Variants in PCDH9 observed in about 807,000 individuals in gnomAD.
PCDH9 encodes the protein protocadherin 9.
Under a neutral mutation model 70.6 loss-of-function variants are expected in PCDH9, and 24 were observed. The observed-to-expected ratio is 0.34, with a 90% CI of 0.25 to 0.48. The LOEUF is 0.48. PCDH9 is among the 20% of genes least tolerant of loss of function. The pLI is 0.99. For synonymous variants in PCDH9, 562 were observed against 558.5 expected, an observed-to-expected ratio of 1.01 and a Z score of -0.09; for missense variants, 1,281 against 1,503.6, an observed-to-expected ratio of 0.85 and a Z score of 2.45.
intron 2 of PCDH9, among the ~76,000 whole-genome samples, chr13:67,009,370 G>T (rs2084411638): frequency 6.6e-6 from 1 of 152,092 alleles, no homozygotes; most frequent in African/African-American, 2.4e-5. Flanking sequence ...TTGCTAGATA[G>T]AGGTGGGTTT....
intron 3 of PCDH9, among the ~76,000 whole-genome samples, chr13:66,855,286 A>G (rs1460924606): frequency 1.3e-5 from 2 of 152,110 alleles, no homozygotes; most frequent in East Asian, 1.9e-4. Context: ...CTACAAAATG[A>G]TAACATAAGA....
chr13:66,587,099 G>A lies in PCDH9; in HGVS notation c.3340+44111C>T, dbSNP rs894890728. Among the ~76,000 whole-genome samples, 22 of 151,998 alleles carry A rather than the reference G, an allele frequency of 1.4e-4. 1 individual carries two copies. The South Asian group carries it at 2.1e-3, about 14-fold the overall frequency. On this transcript the variant is annotated intron_variant, in intron 4 of 4. Coordinates refer to ENST00000377865, the MANE Select transcript of PCDH9 (RefSeq NM_203487.3). ...TCACTTGAGCCCATGAGTTCCAGAC[G>A]AGCCTGGGCAACATAGTGAGACCTT...
intron 3 of PCDH9, among the ~76,000 whole-genome samples, chr13:66,658,636 T>C (rs1015182065): frequency 6.6e-6 from 1 of 152,208 alleles, no homozygotes; most frequent in Non-Finnish European, 1.5e-5. Context: ...TTCTTAAACA[T>C]GTATCTATAC....
chr13:66,850,432 A>C (rs1036625614), intron 3 of PCDH9, among the ~76,000 whole-genome samples: 1 of 151,764 alleles, frequency 6.6e-6, no homozygotes, highest in Admixed American at 6.6e-5. Context: ...GGCAGGAGGA[A>C]CCTAGGAGGC....
chr13:66,431,078 A>T (rs970332139), intron 4 of PCDH9, among the ~76,000 whole-genome samples: 1 of 152,052 alleles, frequency 6.6e-6, no homozygotes, highest in Admixed American at 6.6e-5. Flanking sequence ...ATGAAATTTG[A>T]CTATAGCCAT....
At chr13:67,003,547 C>T (rs1440726776) in intron 2 of PCDH9, among the ~76,000 whole-genome samples, 1 of 152,120 alleles carries the variant, frequency 6.6e-6, no homozygotes, top group Non-Finnish European at 1.5e-5. Context: ...TATTAATCAA[C>T]CCTTGATGGA....
intron 2 of PCDH9, among the ~76,000 whole-genome samples, chr13:66,911,886 C>T (rs895090882): frequency 2.0e-5 from 3 of 152,110 alleles, no homozygotes; most frequent in East Asian, 1.9e-4. Context: ...CAAACGTATT[C>T]GAAGGAATAC....
intron 2 of PCDH9, among the ~76,000 whole-genome samples, chr13:67,109,259 T>C (rs1472679863): frequency 6.6e-6 from 1 of 152,146 alleles, no homozygotes; most frequent in Non-Finnish European, 1.5e-5. Context: ...CCTCAAACTC[T>C]CCCCACTTTA....
At chr13:66,760,829 C>T (rs543868853) in intron 3 of PCDH9, among the ~76,000 whole-genome samples, 23 of 152,226 alleles carry the variant, frequency 1.5e-4, no homozygotes, top group Non-Finnish European at 2.8e-4. Context: ...TCGAAAATGG[C>T]TGCTCTGGGA....
intron 4 of PCDH9, among the ~76,000 whole-genome samples, chr13:66,519,407 T>C (rs143808068): frequency 0.017 from 2,652 of 152,250 alleles, 38 homozygotes; most frequent in Non-Finnish European, 0.027. Context: ...AGCTTTATGA[T>C]GATCAAACTG....
Position 66,553,534 on chromosome 13 carries a change from C to T in PCDH9, c.3340+77676G>A, listed in dbSNP as rs144714852. ...CAAATGCCCAAAAACAGAGCAAATA[C>T]TCCACTAGAAATTGGAGAGTTGGTT... is the stretch of plus-strand genomic sequence containing the variant. On this transcript the variant is annotated intron_variant, in intron 4 of 4. Coordinates refer to ENST00000377865, the MANE Select transcript of PCDH9 (RefSeq NM_203487.3). 5.0e-3 allele frequency among the ~76,000 whole-genome samples: 768 copies of T among 152,246 alleles called. 5 individuals are homozygous for T. The highest frequency in any genetic ancestry group is 7.6e-3 in the Non-Finnish European group (515 of 68,020).
At chr13:66,719,852 AG>A (rs1331538965) in intron 3 of PCDH9, among the ~76,000 whole-genome samples, 2 of 152,230 alleles carry the variant, frequency 1.3e-5, no homozygotes, top group Admixed American at 6.5e-5. Flanking sequence ...AAGTATCCAT[AG>A]TGAAGTTGTT....
chr13:66,872,512 G>A (rs904825859), intron 3 of PCDH9, among the ~76,000 whole-genome samples: 2 of 152,030 alleles, frequency 1.3e-5, no homozygotes, highest in African/African-American at 4.8e-5. Flanking sequence ...CTAGGAAAAG[G>A]AGCATAGTAA....
intron 3 of PCDH9, among the ~76,000 whole-genome samples, chr13:66,867,651 G>A (rs978618690): frequency 6.6e-6 from 1 of 151,988 alleles, no homozygotes; most frequent in Admixed American, 6.5e-5. Context: ...ATTATCAAGG[G>A]ATGTATATTA....
At chr13:66,908,673 C>A (rs977879264) in intron 2 of PCDH9, among the ~76,000 whole-genome samples, 1 of 152,058 alleles carries the variant, frequency 6.6e-6, no homozygotes, top group Admixed American at 6.5e-5. Context: ...CATTTAGTAT[C>A]CTGAAATTTA....
Position 66,560,611 on chromosome 13 carries a change from A to C in PCDH9, c.3340+70599T>G, listed in dbSNP as rs571190608. Among the ~76,000 whole-genome samples the C allele has an allele frequency of 2.4e-3, 362 of 152,330 alleles. 2 individuals are homozygous for C. Among genetic ancestry groups the C allele is most frequent in the African/African-American group, 8.3e-3 (347 of 41,570 alleles). The stretch of plus-strand genomic sequence containing the variant: ...TCCAGTGAATGATGAAATACTTAGC[A>C]CTTGTTGTCATAGTAGGTAATTTTG... On this transcript the variant is annotated intron_variant, in intron 4 of 4. Coordinates refer to ENST00000377865, the MANE Select transcript of PCDH9 (RefSeq NM_203487.3).
intron 2 of PCDH9, chr13:67,223,489 A>T (rs2089778822): frequency 6.6e-6 from 1 of 152,170 alleles, no homozygotes. Context: ...TATGCATATC[A>T]TAAAATACCA....
intron 4 of PCDH9, among the ~76,000 whole-genome samples, chr13:66,624,430 C>T (rs1041462105): frequency 6.6e-6 from 1 of 152,170 alleles, no homozygotes; most frequent in African/African-American, 2.4e-5. Flanking sequence ...ACATTGTGTG[C>T]TTCATTTGTA....
intron 3 of PCDH9, among the ~76,000 whole-genome samples, chr13:66,729,371 G>T (rs561631570): frequency 1.3e-5 from 2 of 152,148 alleles, no homozygotes; most frequent in African/African-American, 4.8e-5. Context: ...GTACCCTCCT[G>T]ACTTTTAGTC....
Sources: allele counts gnomAD v4.1 joint callset (sites outside exome capture counted in the v4.1 genomes callset), GRCh38; gene constraint gnomAD v4.1.1; transcripts MANE v1.5; gene names NCBI Gene and HGNC (gene_info 2026-07-23, HGNC 2026-07-21).